FAT4: variants seen among roughly 807,000 people sequenced by gnomAD.
FAT4 encodes the protein protocadherin Fat 4.
FAT4 carries 84 observed loss-of-function variants against 303.9 expected under a neutral mutation model. The observed-to-expected ratio is 0.28, with a 90% CI of 0.23 to 0.33. FAT4 has a LOEUF of 0.33. Among genes scored for constraint, FAT4 ranks in the 10% least tolerant of loss-of-function variants. The probability of loss-of-function intolerance (pLI) is 1.00; values close to 1 mark genes in which losing one functional copy is unlikely to be tolerated. For missense variants in FAT4, 6,005 were observed against 6,146.8 expected (o/e 0.98, Z 0.77); for synonymous variants, 2,307 against 2,298.8 (o/e 1.00, Z -0.10).
chr4:125,331,902 T>C (rs1225309137), intron 2 of FAT4, among the ~76,000 whole-genome samples: 2 of 152,174 alleles, frequency 1.3e-5, no homozygotes, highest in Admixed American at 1.3e-4. Context: ...TTAAGTTTAG[T>C]TGAAAGAATG....
rs759310111 is a variant in FAT4, at chr4:125,449,135, A to G, written c.8125A>G (p.Ile2709Val). ...ACCCAATGGACAGTTAGATTATGAA[A>G]TTGTTAATGGCAACATGGAAAATAG... ...SGPNGQLDYEIVNGNMENSFS... is the reference protein window; with the variant it reads ...SGPNGQLDYEVVNGNMENSFS... The change falls in exon 10 of 18, where the codon ATT (isoleucine) becomes GTT (valine). Residue 2709 changes from isoleucine to valine, a missense_variant. By Grantham distance (29) the Ile-to-Val change is conservative. Transcript: ENST00000394329. 1.9e-6 allele frequency: 3 copies of G among 1,613,980 alleles called. No homozygotes were observed. Among genetic ancestry groups the G allele is most frequent in the Non-Finnish European group, 2.5e-6 (3 of 1,179,886 alleles).
chr4:125,482,580 C>T, intron 16 of FAT4, among the ~76,000 whole-genome samples: 1 of 151,990 alleles, frequency 6.6e-6, no homozygotes, highest in African/African-American at 2.4e-5. Flanking sequence ...TATCATTCTA[C>T]TGATAATTTT....
intron 2 of FAT4, among the ~76,000 whole-genome samples, chr4:125,379,637 T>A (rs1363529962): frequency 6.6e-6 from 1 of 151,778 alleles, no homozygotes; most frequent in East Asian, 1.9e-4. Flanking sequence ...TTTTTGTATT[T>A]TTAGTGGAGA....
At chr4:125,478,099 C>T (rs1297370033) in intron 14 of FAT4, among the ~76,000 whole-genome samples, 2 of 152,174 alleles carry the variant, frequency 1.3e-5, no homozygotes, top group Admixed American at 1.3e-4. Context: ...GTGATGAACA[C>T]ATTTTCACAA....
intron 9 of FAT4, among the ~76,000 whole-genome samples, chr4:125,446,957 C>A (rs10084893): frequency 0.99 from 151,109 of 152,136 alleles, 75,050 homozygotes; most frequent in Middle Eastern, 1. Context: ...AGGCATTCAA[C>A]TATGTTTGTC....
chr4:125,366,296 A>G (rs1445753620), intron 2 of FAT4, among the ~76,000 whole-genome samples: 3 of 151,730 alleles, frequency 2.0e-5, no homozygotes, highest in African/African-American at 7.3e-5. Context: ...GTTCCCTTCT[A>G]TGTGTTTATA....
chr4:125,325,198 G>A lies in FAT4; in HGVS notation c.5175+3612G>A, dbSNP rs1240989304. On this transcript the variant is annotated intron_variant, in intron 2 of 17. Coordinates refer to ENST00000394329, the MANE Select transcript of FAT4 (RefSeq NM_001291303.3). The stretch of plus-strand genomic sequence containing the variant: ...AAACCCTGTCAGCAAACTTTTCATA[G>A]TCTGTTACATAAAAATACATTTATC... Among the ~76,000 whole-genome samples, 4 of 152,048 alleles carry A rather than the reference G, an allele frequency of 2.6e-5. No individual in the cohort carries two copies. The South Asian group carries it at 6.2e-4, about 24-fold the overall frequency.
intron 5 of FAT4, among the ~76,000 whole-genome samples, chr4:125,412,995 G>A (rs1370255660): frequency 6.6e-6 from 1 of 151,604 alleles, no homozygotes; most frequent in Non-Finnish European, 1.5e-5. Context: ...AACTATATAT[G>A]TAGATGTTAA....
At position 125,490,338 on chromosome 4, in the gene FAT4, C is replaced by T. The variant is rs1278065148; in HGVS notation, c.13522C>T (p.Pro4508Ser). The T allele has an allele frequency of 2.5e-6, 4 of 1,614,104 alleles. No individual in the cohort carries two copies. The South Asian group carries it at 3.3e-5, about 13-fold the overall frequency. The change falls in exon 18 of 18, where the codon CCT becomes TCT. Residue 4508 changes from proline to serine, a missense_variant. By Grantham distance (74) the Pro-to-Ser change is moderately conservative. Coordinates refer to ENST00000394329, the MANE Select transcript of FAT4 (RefSeq NM_001291303.3). Reference sequence around the variant, plus strand: ...GATCTCTCTGCCTTTGTGGGCTGTGCCTGCCATCGTGGGCAGCTGCGCAAC... The same window carrying T: ...GATCTCTCTGCCTTTGTGGGCTGTGTCTGCCATCGTGGGCAGCTGCGCAAC... ...EEISLPLWAV[P>S]AIVGSCATVL... is the part of the protein sequence containing the mutation.
rs372609586 is a variant in FAT4 at position 125,317,104 on chromosome 4, G to T, written c.693G>T (p.Arg231=). 2.5e-6 allele frequency: 4 copies of T among 1,613,880 alleles called. No homozygotes were observed. Among genetic ancestry groups the T allele is most frequent in the African/African-American group, 2.7e-5 (2 of 75,064 alleles). ...AGGACAAGGGTGAGCCTAAGCGGCG[G>T]GGCTACCTTCAGGTAAACGTGACTG... ...EVEDKGEPKR[R]GYLQVNVTVQ... The change falls in exon 2 of 18, where the codon CGG becomes CGT. Residue 231 remains arginine, a synonymous_variant. Transcript: ENST00000394329. This position sits in a 1 kb window ranked among gnomAD's most constrained non-coding sequence, Gnocchi z 7.0.
At position 125,451,670 on chromosome 4, in the gene FAT4, G is replaced by T. The variant is rs777099226; in HGVS notation, c.10660G>T (p.Gly3554Cys). The T allele has an allele frequency of 1.2e-6, 2 of 1,614,098 alleles. No individual in the cohort carries two copies. The highest frequency in any genetic ancestry group is 1.3e-5 in the African/African-American group (1 of 75,012). The change falls in exon 10 of 18, where the codon GGT (glycine) becomes TGT (cysteine). Residue 3554 changes from glycine to cysteine, a missense_variant. Physicochemically the swap from Gly to Cys is radical, Grantham distance 159. Coordinates refer to ENST00000394329, the MANE Select transcript of FAT4 (RefSeq NM_001291303.3). ...GPFTYYLLSTGPATSYFSLST... is the reference protein window; with the variant it reads ...GPFTYYLLSTCPATSYFSLST... Reference sequence around the variant, plus strand: ...CTTTACTTATTACTTGCTGAGCACAGGTCCTGCCACCAGTTATTTCAGTCT... The same window carrying T: ...CTTTACTTATTACTTGCTGAGCACATGTCCTGCCACCAGTTATTTCAGTCT...
At position 125,404,517 on chromosome 4, in the gene FAT4, G is replaced by A. The variant is rs552736826; in HGVS notation, c.5308-2363G>A. 1.4e-4 allele frequency among the ~76,000 whole-genome samples: 21 copies of A among 152,224 alleles called. 1 individual carries two copies. The South Asian group carries it at 4.1e-3, about 30-fold the overall frequency. On this transcript the variant is annotated intron_variant, in intron 3 of 17. Coordinates refer to ENST00000394329, the MANE Select transcript of FAT4 (RefSeq NM_001291303.3). ...CAACAGTAAGCCAAGTCCATGAATA[G>A]TGAATGACTGTAAAATATTGTATTC...
At chr4:125,477,059 CA>C (rs200433507) in intron 13 of FAT4, 95 bp from the exon 14 acceptor site, 530 of 965,714 alleles carry the variant, frequency 5.5e-4, no homozygotes, top group African/African-American at 3.4e-3. Flanking sequence ...TAATAAATGT[CA>C]AAAAAAAGCT....
chr4:125,426,527 A>G (rs1446007072), intron 7 of FAT4, among the ~76,000 whole-genome samples: 1 of 151,996 alleles, frequency 6.6e-6, no homozygotes, highest in Non-Finnish European at 1.5e-5. Context: ...CTTTCTATGA[A>G]GTTTGTTAGT....
intron 2 of FAT4, among the ~76,000 whole-genome samples, chr4:125,364,052 G>A (rs1414036720): frequency 5.3e-5 from 8 of 152,064 alleles, no homozygotes; most frequent in African/African-American, 7.2e-5. Flanking sequence ...ACAGTTGTCC[G>A]TTGTTGATGG....
intron 2 of FAT4, among the ~76,000 whole-genome samples, chr4:125,345,125 C>G (rs1391622359): frequency 6.6e-6 from 1 of 152,096 alleles, no homozygotes; most frequent in Non-Finnish European, 1.5e-5. Flanking sequence ...GCTGCTGCTT[C>G]CATTTACACA....
rs1051341343 is a variant in FAT4 at position 125,463,201 on chromosome 4, T to C, written c.11801-362T>C. 2.0e-5 allele frequency among the ~76,000 whole-genome samples: 3 copies of C among 152,004 alleles called. No individual in the cohort carries two copies. In the South Asian group the frequency reaches 6.2e-4, roughly 31 times the overall value. On this transcript the variant is annotated intron_variant, in intron 10 of 17. Coordinates refer to ENST00000394329, the MANE Select transcript of FAT4 (RefSeq NM_001291303.3). Reference sequence around the variant, plus strand: ...AAAATCTCTGCAGTGAAAAGAATACTGTAAGTTTCAACTTTCTATCTATAA... The same window carrying C: ...AAAATCTCTGCAGTGAAAAGAATACCGTAAGTTTCAACTTTCTATCTATAA...
At chr4:125,345,096 T>C (rs575704063) in intron 2 of FAT4, among the ~76,000 whole-genome samples, 1 of 152,238 alleles carries the variant, frequency 6.6e-6, no homozygotes, top group South Asian at 2.1e-4. Flanking sequence ...GGTCATCCTT[T>C]ATTTAAATTC....
chr4:125,464,921 C>T (rs1450414125), intron 11 of FAT4, among the ~76,000 whole-genome samples: 2 of 152,134 alleles, frequency 1.3e-5, no homozygotes, highest in African/African-American at 4.8e-5. Context: ...AAAGCTCAAT[C>T]TATAGTAGAT....
Sources: gnomAD v4.1 joint callset for allele counts (sites outside exome capture counted in the v4.1 genomes callset) on GRCh38, gnomAD v4.1.1 for gene constraint, Gnocchi (gnomAD v3.1) non-coding constraint, MANE v1.5 for transcripts, NCBI Gene and HGNC (gene_info 2026-07-23, HGNC 2026-07-21) for gene names.